LRRN2: variants seen among roughly 807,000 people sequenced by gnomAD.
The protein encoded by LRRN2 is leucine-rich repeat neuronal protein 2.
LRRN2 carries 10 observed loss-of-function variants against 35.7 expected under a neutral mutation model. That is an observed-to-expected ratio of 0.28 (90% CI 0.17 to 0.47). The LOEUF (loss-of-function observed/expected upper bound fraction) is 0.47, where lower values mean the gene tolerates loss of function less well. Ranked by LOEUF, LRRN2 falls within the 20% of genes least tolerant of loss-of-function variation. The pLI is 0.99. For synonymous variants in LRRN2, 391 were observed against 409.6 expected (o/e 0.95, Z 0.55); for missense variants, 731 against 940.3 (o/e 0.78, Z 2.91).
chr1:204,682,206 A>G (rs1668971053), intron 1 of LRRN2, among the ~76,000 whole-genome samples: 1 of 152,068 alleles, frequency 6.6e-6, no homozygotes, highest in Admixed American at 6.6e-5. Flanking sequence ...GGGATGAGGG[A>G]CTTCCTGCCT....
chr1:204,630,615 C>T lies in LRRN2; in HGVS notation c.-226-10397G>A, dbSNP rs977070751. On this transcript the variant is annotated intron_variant, in intron 1 of 1. Coordinates refer to ENST00000367177, the MANE Select transcript of LRRN2 (RefSeq NM_201630.2). ...GAGATAAATGGCTGCAGCTGAGGCC[C>T]GGGTTTGTCTTTCCTCCCCACTAAC... Among the ~76,000 whole-genome samples the T allele has an allele frequency of 1.7e-4, 26 of 151,550 alleles. No individual in the cohort carries two copies. The East Asian group carries it at 4.5e-3, about 26-fold the overall frequency.
chr1:204,632,047 C>T (rs1571644018), intron 1 of LRRN2, among the ~76,000 whole-genome samples: 1 of 152,046 alleles, frequency 6.6e-6, no homozygotes, highest in Non-Finnish European at 1.5e-5. Flanking sequence ...ACAGTGAAAC[C>T]CTGTCTCTAC....
chr1:204,657,230 G>A (rs3923040), intron 1 of LRRN2, among the ~76,000 whole-genome samples: 27,145 of 151,826 alleles, frequency 0.18, 2,896 homozygotes, highest in East Asian at 0.48. Context: ...ACTTGAACCC[G>A]GGAGGCGGAG....
intron 1 of LRRN2, among the ~76,000 whole-genome samples, chr1:204,641,551 C>A (rs1667977111): frequency 2.0e-5 from 3 of 152,132 alleles, no homozygotes; most frequent in Admixed American, 1.3e-4. Flanking sequence ...GGGCCTTTCA[C>A]AAAGCTTTAA....
rs1474822835 is a variant in LRRN2, at chr1:204,617,920, A to C, written c.2073T>G (p.Asn691Lys). ...VVSAPLVLPW[N>K]PGRKLPRSSE... is the part of the protein sequence containing the mutation. ...AGGATCTGGGCAGCTTCCTCCCTGG[A>C]TTCCAGGGCAGGACGAGGGGAGCAG... The change falls in exon 2 of 2, where the codon AAT (asparagine) becomes AAG (lysine). Residue 691 changes from asparagine (N) to lysine (K), a missense_variant. This residue lies in a region of LRRN2 where 229 missense variants were observed against 258.4 expected (regional missense o/e 0.89). Transcript: ENST00000367177. 6.2e-7 allele frequency: 1 copy of C among 1,614,052 alleles called. No homozygotes were observed.
intron 1 of LRRN2, among the ~76,000 whole-genome samples, chr1:204,640,522 C>T (rs936453433): frequency 6.6e-6 from 1 of 152,162 alleles, no homozygotes; most frequent in Admixed American, 6.5e-5. Flanking sequence ...GCAAACGGAG[C>T]CTGTAGAACA....
chr1:204,629,711 G>C lies in LRRN2; in HGVS notation c.-226-9493C>G, dbSNP rs188481040. On this transcript the variant is annotated intron_variant, in intron 1 of 1. Transcript: ENST00000367177. ...TCCAATTAAACCTCTTTTTCTTCCC[G>C]GTCTCAGATATGTCTTTATCAGCAG... 7.0e-3 allele frequency: 1,163 copies of C among 165,710 alleles called. 5 individuals are homozygous for C. Among genetic ancestry groups the C allele is most frequent in the Non-Finnish European group, 9.5e-3 (743 of 78,218 alleles). The allele number at this position is 165,710 out of a possible 1,614,324, so 10.3% of individuals were successfully genotyped here. A position where few individuals can be genotyped will look rare whatever the true frequency, so the allele number is the denominator to read the frequency against.
chr1:204,659,932 T>G (rs1668436369), intron 1 of LRRN2, among the ~76,000 whole-genome samples: 1 of 152,206 alleles, frequency 6.6e-6, no homozygotes, highest in African/African-American at 2.4e-5. Flanking sequence ...CATTGACCCC[T>G]CTTTACATAA....
intron 1 of LRRN2, chr1:204,627,376 G>C (rs1016768390): frequency 1.3e-5 from 2 of 152,232 alleles, no homozygotes; most frequent in Non-Finnish European, 2.9e-5. Flanking sequence ...GCTGGGCAAA[G>C]GTGAGGCTTC....
At chr1:204,648,721 T>A (rs1175790321) in intron 1 of LRRN2, among the ~76,000 whole-genome samples, 1 of 152,162 alleles carries the variant, frequency 6.6e-6, no homozygotes, top group Admixed American at 6.5e-5. Flanking sequence ...GAGCTAGGGA[T>A]ACAGAAATAA....
intron 1 of LRRN2, among the ~76,000 whole-genome samples, chr1:204,640,587 C>G (rs1667955455): frequency 6.6e-6 from 1 of 152,138 alleles, no homozygotes; most frequent in Non-Finnish European, 1.5e-5. Context: ...TCTCCCTTCC[C>G]CACCTCTTTT....
At chr1:204,678,710 G>A (rs1015598831) in intron 1 of LRRN2, among the ~76,000 whole-genome samples, 40 of 151,954 alleles carry the variant, frequency 2.6e-4, no homozygotes, top group Non-Finnish European at 1.0e-4. Context: ...AGCTTGCCCC[G>A]ACTGTGGTGC....
intron 1 of LRRN2, among the ~76,000 whole-genome samples, chr1:204,670,341 G>C (rs1668680479): frequency 1.3e-5 from 2 of 152,202 alleles, no homozygotes; most frequent in Non-Finnish European, 2.9e-5. Context: ...GGCAGCACTG[G>C]AGGAGGATCA....
At chr1:204,666,927 A>G (rs1052979104) in intron 1 of LRRN2, among the ~76,000 whole-genome samples, 3 of 131,552 alleles carry the variant, frequency 2.3e-5, no homozygotes, top group African/African-American at 8.7e-5. Flanking sequence ...ATGCCACTGC[A>G]CTCCAGCCTG....
At chr1:204,640,726 C>G (rs1329670763) in intron 1 of LRRN2, among the ~76,000 whole-genome samples, 1 of 152,148 alleles carries the variant, frequency 6.6e-6, no homozygotes, top group Admixed American at 6.5e-5. Flanking sequence ...TCTCTACTCC[C>G]TTGTCCCACT....
At chr1:204,654,288 T>C (rs58182841) in intron 1 of LRRN2, among the ~76,000 whole-genome samples, 28,633 of 152,140 alleles carry the variant, frequency 0.19, 3,257 homozygotes, top group East Asian at 0.48. Flanking sequence ...AGGAGCCTTC[T>C]GGGTACTGAA....
chr1:204,678,238 A>G lies in LRRN2; in HGVS notation c.-227+7082T>C, dbSNP rs540413642. 3.9e-5 allele frequency among the ~76,000 whole-genome samples: 6 copies of G among 152,308 alleles called. No individual in the cohort carries two copies. The East Asian group carries it at 1.2e-3, about 29-fold the overall frequency. On this transcript the variant is annotated intron_variant, in intron 1 of 1. Transcript: ENST00000367177. ...GTAAGTTCTGCCTCCCCAGCTGATC[A>G]GTAGGTTTCCTTACCAGTAAAGACT...
chr1:204,663,812 A>G (rs1668517554), intron 1 of LRRN2: 1 of 151,908 alleles, frequency 6.6e-6, no homozygotes, highest in Admixed American at 6.6e-5. Context: ...GCCAGCATTC[A>G]TCTTCCCAGT....
chr1:204,627,549 G>C (rs1485817551), intron 1 of LRRN2, among the ~76,000 whole-genome samples: 1 of 152,232 alleles, frequency 6.6e-6, no homozygotes, highest in Admixed American at 6.5e-5. Context: ...GAGCTCTGCT[G>C]CCTGGAAGGC....
Sources: gnomAD v4.1 joint callset for allele counts (sites outside exome capture counted in the v4.1 genomes callset) on GRCh38, gnomAD v4.1.1 for gene constraint, gnomAD v4.1.1 regional missense constraint, MANE v1.5 for transcripts, NCBI Gene and HGNC (gene_info 2026-07-23, HGNC 2026-07-21) for gene names.